The following RNF213 variants were observed in gnomAD, a reference collection of about 807,000 sequenced individuals.
The protein encoded by RNF213 is E3 ubiquitin-protein ligase RNF213.
Under a neutral mutation model 514.4 loss-of-function variants are expected in RNF213, and 341 were observed. The observed-to-expected ratio is 0.66, with a 90% CI of 0.61 to 0.73. The LOEUF is 0.73. RNF213 is among the 30% of genes least tolerant of loss of function. The probability of loss-of-function intolerance (pLI) is 0.00; values close to 1 mark genes in which losing one functional copy is unlikely to be tolerated. For synonymous variants in RNF213, 2,655 were observed against 2,658.2 expected, an observed-to-expected ratio of 1.00 and a Z score of 0.04; for missense variants, 5,767 against 6,615.6, an observed-to-expected ratio of 0.87 and a Z score of 4.45.
chr17:80,354,776 C>A, intron 36 of RNF213, 200 bp downstream of exon 36: 1 of 635,322 alleles, frequency 1.6e-6, no homozygotes, highest in Non-Finnish European at 2.7e-6. Flanking sequence ...GTGCTGGACT[C>A]TTCCTCTAAT....
chr17:80,313,636 T>TGGTGGTGGA (rs1296558139), intron 15 of RNF213, among the ~76,000 whole-genome samples: 134 of 133,180 alleles, frequency 1.0e-3, no homozygotes, highest in African/African-American at 1.2e-3. Flanking sequence ...GAGGTGATGG[T>TGGTGGTGGA]GGTGATGGTG....
rs547674858 is a variant in RNF213, at chr17:80,281,333, C to T, written c.262-6482C>T. Among the ~76,000 whole-genome samples the T allele has an allele frequency of 2.9e-3, 159 of 55,182 alleles. 3 individuals carry two copies. Among genetic ancestry groups the T allele is most frequent in the South Asian group, 0.012 (16 of 1,332 alleles). The allele number at this position is 55,182 out of a possible 152,430, so 36.2% of individuals were successfully genotyped here. ...ATACCCCACTCACACCACTCACACA[C>T]GCCCCCACACACACACCCCACTCAC... On this transcript the variant is annotated intron_variant, in intron 3 of 67. Transcript: ENST00000582970.
At position 80,264,767 on chromosome 17, in the gene RNF213, A is replaced by G. The variant is rs2043550219; in HGVS notation, c.97+989A>G. ...GCCCCTGCCCCCGCTGTAACTCAGG[A>G]CAAGCAGGAGCCCTTACGGTGGCCA... is the stretch of plus-strand genomic sequence containing the variant. On this transcript the variant is annotated intron_variant, in intron 2 of 67. Transcript: ENST00000582970. This position sits in a 1 kb window ranked among gnomAD's most constrained non-coding sequence, Gnocchi z 5.0. 6.6e-6 allele frequency among the ~76,000 whole-genome samples: 1 copy of G among 151,948 alleles called. No homozygotes were observed. Among genetic ancestry groups the G allele is most frequent in the South Asian group, 2.1e-4 (1 of 4,812 alleles).
In RNF213 at chr17:80,346,919, C is replaced by T; in HGVS notation, c.8584C>T (p.Pro2862Ser). Residue 2862 changes from proline (P) to serine (S), a missense_variant, in exon 29 of 68, where the codon CCG becomes TCG. This residue lies in a region of RNF213 where 105 missense variants were observed against 183.9 expected (regional missense o/e 0.57). Transcript: ENST00000582970. This position sits in a 1 kb window ranked among gnomAD's most constrained non-coding sequence, Gnocchi z 8.1. ...CAAAATGCCCCTGAAGACTCTGCAC[C>T]CGCTGCTGGAAGACGGATGCATTGA... ...SPKMPLKTLHPLLEDGCIEDD... is the reference protein window; with the variant it reads ...SPKMPLKTLHSLLEDGCIEDD... 1 of 1,614,130 alleles carries T rather than the reference C, an allele frequency of 6.2e-7. No individual in the cohort carries two copies.
intron 38 of RNF213, 95 bp from the exon 39 acceptor site, chr17:80,361,639 C>A: frequency 7.2e-7 from 1 of 1,380,686 alleles, no homozygotes; most frequent in Non-Finnish European, 1.0e-6. Context: ...TTCAACAAGG[C>A]GTCCCCATTC....
intron 15 of RNF213, among the ~76,000 whole-genome samples, chr17:80,315,287 G>GGAC (rs1225974434): frequency 1.7e-5 from 1 of 60,544 alleles, no homozygotes; most frequent in African/African-American, 1.1e-4. Flanking sequence ...TGATGGTGGT[G>GGAC]GTGGTGGTGG....
intron 8 of RNF213, chr17:80,292,157 T>C (rs1253849882): frequency 2.5e-6 from 1 of 396,534 alleles, no homozygotes; most frequent in African/African-American, 2.1e-5. Context: ...CGATCTCGGC[T>C]CACTGCAACC....
chr17:80,289,508 TG>T, intron 5 of RNF213, 150 bp from the exon 6 acceptor site: 2 of 802,936 alleles, frequency 2.5e-6, no homozygotes, highest in Non-Finnish European at 2.0e-6. Flanking sequence ...GAGAATTGCT[TG>T]AGCCTGGGAG....
rs375638904 is a variant in RNF213, at chr17:80,393,498, G to A, written c.15624G>A (p.Ter5208=). ...AVLKWNREMR[*] ...TGAAATGGAATCGAGAAATGAGATA[G>A]AATTATTTCCTCAGCTATCTTTGGA... Residue 5208 remains the stop codon, a stop_retained_variant, in exon 68 of 68, where the codon TAG becomes TAA. Coordinates refer to ENST00000582970, the MANE Select transcript of RNF213 (RefSeq NM_001256071.3). The A allele has an allele frequency of 3.5e-4, 570 of 1,614,062 alleles. 2 individuals carry two copies. The highest frequency in any genetic ancestry group is 2.2e-4 in the Non-Finnish European group (263 of 1,179,962).
chr17:80,297,535 G>A (rs1484953637), intron 10 of RNF213, among the ~76,000 whole-genome samples: 5 of 151,118 alleles, frequency 3.3e-5, no homozygotes, highest in East Asian at 2.0e-4. Context: ...AGGAGGGATT[G>A]CTTGAGCCAG....
At chr17:80,354,898 T>C (rs934666382) in intron 36 of RNF213, 1 of 399,940 alleles carries the variant, frequency 2.5e-6, no homozygotes, top group African/African-American at 2.1e-5. Context: ...GCTGCTGTTT[T>C]CAGTCATGAA....
Position 80,291,611 on chromosome 17 carries a change from A to G in RNF213, c.1272-17A>G. The G allele has an allele frequency of 1.2e-6, 2 of 1,613,948 alleles. No homozygotes were observed. Among genetic ancestry groups the G allele is most frequent in the Non-Finnish European group, 1.7e-6 (2 of 1,179,772 alleles). The stretch of plus-strand genomic sequence containing the variant: ...GTAGGAATTTTGGATAGCCAACCGT[A>G]TCCTGTTCATTCACAGAGACTTGGG... On this transcript the variant is annotated splice_polypyrimidine_tract_variant and intron_variant, in intron 7 of 67. Coordinates refer to ENST00000582970, the MANE Select transcript of RNF213 (RefSeq NM_001256071.3).
chr17:80,363,318 T>C lies in RNF213; in HGVS notation c.11568+4T>C. On this transcript the variant is annotated splice_donor_region_variant and intron_variant, in intron 40 of 67. Coordinates refer to ENST00000582970, the MANE Select transcript of RNF213 (RefSeq NM_001256071.3). ...TGAGCTGGCTGGATGTGAGATGGTA[T>C]GGCCCTCCTCCGCCTGCCCTGAGCA... The C allele has an allele frequency of 6.2e-7, 1 of 1,613,266 alleles. No homozygotes were observed. Among genetic ancestry groups the C allele is most frequent in the Non-Finnish European group, 8.5e-7 (1 of 1,179,712 alleles).
chr17:80,317,356 G>GA lies in RNF213; in HGVS notation c.2901+80dup. 1.1e-5 allele frequency: 14 copies of GA among 1,267,498 alleles called. No homozygotes were observed. In the South Asian group the frequency reaches 1.8e-4, roughly 16 times the overall value. 78.5% of individuals were successfully genotyped at this position (1,267,498 alleles called of 1,614,324 possible). A position where few individuals can be genotyped will look rare whatever the true frequency, so the allele number is the denominator to read the frequency against. On this transcript the variant is annotated intron_variant, in intron 16 of 67. Transcript: ENST00000582970. The surrounding 1 kb of genome is among the most constrained non-coding windows in gnomAD (Gnocchi z 4.1). ...CCCAGACCATTAGCGACAGCCAAGA[G>GA]ATCTCAGCAGTGCCTCTCTGTGGGC...
intron 10 of RNF213, among the ~76,000 whole-genome samples, chr17:80,296,818 A>G (rs920889225): frequency 1.3e-5 from 2 of 151,972 alleles, no homozygotes; most frequent in South Asian, 2.1e-4. Flanking sequence ...AGTAGCTGGG[A>G]CTGCAGATAC....
At chr17:80,369,466 C>G (rs1227762238) in intron 44 of RNF213, 36 bp from the exon 45 acceptor site, 1 of 1,594,334 alleles carries the variant, frequency 6.3e-7, no homozygotes, top group Admixed American at 1.7e-5. Context: ...ATTTGGGAAA[C>G]ACCATCCACC....
Position 80,379,920 on chromosome 17 carries a change from A to G in RNF213, c.13640+206A>G, listed in dbSNP as rs1352755107. 5.0e-6 allele frequency: 3 copies of G among 603,960 alleles called. No individual in the cohort carries two copies. The Admixed American group carries it at 6.9e-5, about 14-fold the overall frequency. 37.4% of individuals were successfully genotyped at this position (603,960 alleles called of 1,614,324 possible). On this transcript the variant is annotated intron_variant, in intron 55 of 67. Coordinates refer to ENST00000582970, the MANE Select transcript of RNF213 (RefSeq NM_001256071.3). Reference sequence around the variant, plus strand: ...TGTTGTTGGATCCCTGGGCCCTGAAATGCAAAGCAGGCTACCCTTTAACAG... The same window carrying G: ...TGTTGTTGGATCCCTGGGCCCTGAAGTGCAAAGCAGGCTACCCTTTAACAG...
At chr17:80,311,217 T>G (rs1484493461) in intron 14 of RNF213, among the ~76,000 whole-genome samples, 1 of 152,208 alleles carries the variant, frequency 6.6e-6, no homozygotes, top group Non-Finnish European at 1.5e-5. Flanking sequence ...CAAAAAACCT[T>G]TGCAATACTA....
chr17:80,380,152 G>T (rs1217765620), intron 55 of RNF213, among the ~76,000 whole-genome samples: 5 of 152,140 alleles, frequency 3.3e-5, no homozygotes, highest in Non-Finnish European at 7.3e-5. Context: ...AAAAATGAAG[G>T]AGACAGACAT....
Sources: gnomAD v4.1 joint callset for allele counts (sites outside exome capture counted in the v4.1 genomes callset) on GRCh38, gnomAD v4.1.1 for gene constraint, gnomAD v4.1.1 regional missense constraint, Gnocchi (gnomAD v3.1) non-coding constraint, MANE v1.5 for transcripts, NCBI Gene and HGNC (gene_info 2026-07-23, HGNC 2026-07-21) for gene names.